Variants in FAAH2 observed in about 807,000 individuals in gnomAD.
FAAH2 encodes fatty acid amide hydrolase 2.
Under a neutral mutation model 36.9 loss-of-function variants are expected in FAAH2, and 60 were observed. That is an observed-to-expected ratio of 1.63 (90% CI 1.32 to 2.02). The LOEUF (loss-of-function observed/expected upper bound fraction) is 2.02, where lower values mean the gene tolerates loss of function less well. Ranked by LOEUF, FAAH2 falls within the 30% of genes most tolerant of loss-of-function variation. The probability of loss-of-function intolerance (pLI) is 0.00; values close to 1 mark genes in which losing one functional copy is unlikely to be tolerated. For synonymous variants in FAAH2, 214 were observed against 143.8 expected (o/e 1.49, Z -3.49); for missense variants, 689 against 397.5 (o/e 1.73, Z -6.23).
At chrX:57,428,978 T>C (rs1274638444) in intron 7 of FAAH2, among the ~76,000 whole-genome samples, 1 of 110,767 alleles carries the variant, frequency 9.0e-6, no homozygotes, top group Non-Finnish European at 1.9e-5. Flanking sequence ...TTACAAACAA[T>C]ACATCCAATA....
At chrX:57,152,561 C>T in the FAAH2 span, among the ~76,000 whole-genome samples, 1 of 112,431 alleles carries the variant, frequency 8.9e-6, no homozygotes, top group African/African-American at 3.2e-5. Flanking sequence ...GCATAGTACC[C>T]TCCAAGCCAG....
chrX:57,471,581 C>T (rs187945262), intron 10 of FAAH2, among the ~76,000 whole-genome samples: 11 of 111,210 alleles, frequency 9.9e-5, no homozygotes, highest in East Asian at 8.4e-4. Flanking sequence ...CACTGCTCAA[C>T]GAAATAAAAG....
intron 8 of FAAH2, among the ~76,000 whole-genome samples, chrX:57,440,921 T>C (rs2056538361): frequency 1.8e-5 from 2 of 111,781 alleles, no homozygotes; most frequent in African/African-American, 6.5e-5. Context: ...TTTGCATATG[T>C]TGAAGCAGTG....
chrX:57,274,314 G>A, the FAAH2 span, among the ~76,000 whole-genome samples: 1 of 111,686 alleles, frequency 9.0e-6, no homozygotes, highest in Non-Finnish European at 1.9e-5. Flanking sequence ...ATTCACAGCC[G>A]AATTCTACCA....
chrX:57,358,811 A>G (rs1028673718), intron 5 of FAAH2, among the ~76,000 whole-genome samples: 13 of 111,495 alleles, frequency 1.2e-4, no homozygotes, highest in Admixed American at 3.8e-4. Flanking sequence ...TTTTTAATGG[A>G]GGCTGAACCT....
intron 3 of FAAH2, among the ~76,000 whole-genome samples, chrX:57,318,585 C>A (rs1306791103): frequency 1.8e-5 from 2 of 111,616 alleles, no homozygotes; most frequent in African/African-American, 3.3e-5. Context: ...CAAATTCTAC[C>A]AGAGGTACAA....
chrX:57,324,140 C>T (rs1156887100), intron 3 of FAAH2, among the ~76,000 whole-genome samples: 1 of 111,616 alleles, frequency 9.0e-6, no homozygotes, highest in African/African-American at 3.3e-5. Flanking sequence ...TGTCAAAGAT[C>T]ATATGTTTGT....
At chrX:57,474,693 G>A (rs1241593614) in intron 10 of FAAH2, among the ~76,000 whole-genome samples, 1 of 112,093 alleles carries the variant, frequency 8.9e-6, no homozygotes, top group Non-Finnish European at 1.9e-5. Flanking sequence ...CTTTATAGTA[G>A]AATGATTTAT....
the FAAH2 span, among the ~76,000 whole-genome samples, chrX:57,165,188 G>C: frequency 5.4e-5 from 6 of 111,966 alleles, no homozygotes; most frequent in Admixed American, 3.8e-4. Flanking sequence ...TCCCATTACT[G>C]GGTATATACC....
the FAAH2 span, among the ~76,000 whole-genome samples, chrX:57,145,644 T>C: frequency 8.9e-6 from 1 of 112,206 alleles, no homozygotes; most frequent in Admixed American, 9.4e-5. Flanking sequence ...AGCCAATGTC[T>C]AGAAGGATTT....
At chrX:57,366,132 A>ATTC (rs1555984564) in intron 5 of FAAH2, among the ~76,000 whole-genome samples, 2 of 110,450 alleles carry the variant, frequency 1.8e-5, no homozygotes, top group East Asian at 2.9e-4. Flanking sequence ...TTCTTGCACT[A>ATTC]TTTCTTTCTT....
chrX:57,298,894 A>G (rs1209063413), intron 2 of FAAH2, among the ~76,000 whole-genome samples: 2 of 109,303 alleles, frequency 1.8e-5, no homozygotes, highest in Non-Finnish European at 3.8e-5. Flanking sequence ...CTGTCCCAAG[A>G]CTAAACCAGG....
At chrX:57,217,689 T>C in the FAAH2 span, among the ~76,000 whole-genome samples, 4 of 112,410 alleles carry the variant, frequency 3.6e-5, no homozygotes, top group Admixed American at 3.8e-4. Flanking sequence ...TATGGCCTTA[T>C]AGCATAGTTT....
In FAAH2 at chrX:57,393,206, A is replaced by T. The variant is rs1316425925; in HGVS notation, c.996+12177A>T. 9.2e-6 allele frequency: 11 copies of T among 1,197,950 alleles called. No individual in the cohort carries two copies. The East Asian group carries it at 3.0e-4, about 32-fold the overall frequency. Reference sequence around the variant, plus strand: ...GGCCACTACTACTGGAATTCCAAACATTCTGGCATTTTCAGTTTGTTTCTT... The same window carrying T: ...GGCCACTACTACTGGAATTCCAAACTTTCTGGCATTTTCAGTTTGTTTCTT... On this transcript the variant is annotated intron_variant, in intron 7 of 10. Coordinates refer to ENST00000374900, the MANE Select transcript of FAAH2 (RefSeq NM_174912.4).
chrX:57,379,437 C>T (rs945890539), intron 6 of FAAH2, among the ~76,000 whole-genome samples: 2 of 110,107 alleles, frequency 1.8e-5, no homozygotes, highest in Non-Finnish European at 3.8e-5. Context: ...TTCAGTTATG[C>T]TCTTGATCTT....
At chrX:57,155,490 G>A in the FAAH2 span, among the ~76,000 whole-genome samples, 3 of 112,070 alleles carry the variant, frequency 2.7e-5, no homozygotes, top group African/African-American at 3.2e-5. Context: ...CAACCAAAAA[G>A]GCTAGTCTCA....
chrX:57,378,670 T>C lies in FAAH2; in HGVS notation c.762T>C (p.Gly254=). 8.3e-7 allele frequency: 1 copy of C among 1,211,143 alleles called. No individual in the cohort carries two copies. The highest frequency in any genetic ancestry group is 1.7e-5 in the African/African-American group (1 of 57,751). ...KPSPGVVPNK[G]QFPLAVGAQE... ...TTTCAGGTGTGGTTCCCAACAAAGG[T>C]CAGTTTCCCTTGGCTGTGGGAGCCC... The change falls in exon 6 of 11, where the codon GGT becomes GGC. Residue 254 remains glycine, a synonymous_variant. Transcript: ENST00000374900.
At chrX:57,322,326 C>T (rs751630499) in intron 3 of FAAH2, among the ~76,000 whole-genome samples, 1 of 111,790 alleles carries the variant, frequency 8.9e-6, no homozygotes, top group South Asian at 3.7e-4. Flanking sequence ...TGATGTAGGT[C>T]CCCGATCTCT....
intron 4 of FAAH2, among the ~76,000 whole-genome samples, chrX:57,332,701 AG>A (rs958420698): frequency 1.8e-5 from 2 of 111,640 alleles, no homozygotes; most frequent in African/African-American, 6.5e-5. Context: ...CAATTTCAAA[AG>A]TTTTACCTTC....
Sources: allele counts gnomAD v4.1 joint callset (sites outside exome capture counted in the v4.1 genomes callset), GRCh38; gene constraint gnomAD v4.1.1; transcripts MANE v1.5; gene names NCBI Gene and HGNC (gene_info 2026-07-23, HGNC 2026-07-21).